The following MYO1E variants were observed in gnomAD, a reference collection of about 807,000 sequenced individuals.
MYO1E encodes myosin IE.
MYO1E carries 68 observed loss-of-function variants against 151.1 expected under a neutral mutation model. The ratio of observed to expected loss-of-function variants is 0.45; its 90% CI spans 0.37 to 0.55. The LOEUF is 0.55. Among genes scored for constraint, MYO1E ranks in the 20% least tolerant of loss-of-function variants. The probability of loss-of-function intolerance (pLI) is 0.00; values close to 1 mark genes in which losing one functional copy is unlikely to be tolerated. For missense variants in MYO1E, 1,363 were observed against 1,389.3 expected, an observed-to-expected ratio of 0.98 and a Z score of 0.30; for synonymous variants, 601 against 501.7, an observed-to-expected ratio of 1.20 and a Z score of -2.64.
intron 26 of MYO1E, among the ~76,000 whole-genome samples, chr15:59,148,649 G>A (rs1169007157): frequency 6.6e-6 from 1 of 152,148 alleles, no homozygotes; most frequent in African/African-American, 2.4e-5. Context: ...GAGAAATATT[G>A]CTATTGGACA....
chr15:59,215,025 T>C (rs1404172614), intron 10 of MYO1E, among the ~76,000 whole-genome samples: 2 of 152,166 alleles, frequency 1.3e-5, no homozygotes, highest in African/African-American at 4.8e-5. Context: ...TAGAAAAAAA[T>C]GTCATCTTGG....
chr15:59,244,432 C>T (rs2080117484), intron 4 of MYO1E, among the ~76,000 whole-genome samples: 1 of 152,220 alleles, frequency 6.6e-6, no homozygotes, highest in South Asian at 2.1e-4. Context: ...ATTACACTTT[C>T]TTTATATTCC....
At chr15:59,163,855 G>A (rs2079550713) in intron 22 of MYO1E, among the ~76,000 whole-genome samples, 1 of 152,208 alleles carries the variant, frequency 6.6e-6, no homozygotes, top group Admixed American at 6.5e-5. Flanking sequence ...TGTAGGCCAG[G>A]AGCTACTAGA....
intron 25 of MYO1E, among the ~76,000 whole-genome samples, chr15:59,156,726 A>T (rs1050551843): frequency 1.3e-5 from 2 of 152,374 alleles, no homozygotes. Context: ...AAATGACCCT[A>T]TCAGACTTAG....
chr15:59,143,371 G>A (rs1199814898), intron 26 of MYO1E, among the ~76,000 whole-genome samples: 1 of 152,138 alleles, frequency 6.6e-6, no homozygotes, highest in Non-Finnish European at 1.5e-5. Flanking sequence ...GGAGGAGGGA[G>A]GACCTCTGCA....
intron 4 of MYO1E, among the ~76,000 whole-genome samples, chr15:59,254,449 C>T (rs1370814434): frequency 6.6e-6 from 1 of 152,270 alleles, no homozygotes; most frequent in East Asian, 1.9e-4. Flanking sequence ...CCCTGGCTTC[C>T]CAAAGTGCTA....
chr15:59,201,867 C>G (rs1300035600), intron 16 of MYO1E, among the ~76,000 whole-genome samples: 1 of 152,228 alleles, frequency 6.6e-6, no homozygotes, highest in African/African-American at 2.4e-5. Flanking sequence ...CAAGGAGAGG[C>G]CTGTAGGACC....
intron 6 of MYO1E, among the ~76,000 whole-genome samples, chr15:59,228,180 G>A (rs1311269803): frequency 1.3e-5 from 2 of 152,108 alleles, no homozygotes; most frequent in Non-Finnish European, 2.9e-5. Flanking sequence ...AGGTATCTAG[G>A]TTGTTATATT....
chr15:59,209,136 T>C (rs1436512359), intron 13 of MYO1E: 1 of 466,326 alleles, frequency 2.1e-6, no homozygotes, highest in Non-Finnish European at 3.9e-6. Context: ...TCATGCCAAA[T>C]TGACTTGCTT....
chr15:59,149,038 GTTTTTTTTTTTTTGTTTTTTTT>G (rs2079458788), intron 26 of MYO1E, among the ~76,000 whole-genome samples: 2 of 89,558 alleles, frequency 2.2e-5, no homozygotes, highest in African/African-American at 9.1e-5. Context: ...TGGATGAACT[GTTTTTTTTTTTTTGTTTTTTTT>G]TTTTTTTTTT....
In MYO1E at chr15:59,138,384, G is replaced by A. The variant is rs1211656671; in HGVS notation, c.3081-17C>T. On this transcript the variant is annotated splice_polypyrimidine_tract_variant and intron_variant, in intron 26 of 27. Transcript: ENST00000288235. ...CTCCTGACCCTGTGGAGAGAGTGGA[G>A]CAGATGAGACTGGGCCCCAACAGGG... is the stretch of plus-strand genomic sequence containing the variant. The A allele has an allele frequency of 6.2e-7, 1 of 1,613,572 alleles. No homozygotes were observed. The highest frequency in any genetic ancestry group is 1.1e-5 in the South Asian group (1 of 91,060).
chr15:59,173,663 G>C, intron 21 of MYO1E, 83 bp downstream of exon 21: 2 of 1,546,144 alleles, frequency 1.3e-6, no homozygotes, highest in East Asian at 4.5e-5. Flanking sequence ...TTCTGATTTG[G>C]TAACAACAAA....
chr15:59,180,544 C>CA (rs1555409190), intron 18 of MYO1E, among the ~76,000 whole-genome samples: 2 of 144,404 alleles, frequency 1.4e-5, no homozygotes, highest in East Asian at 4.0e-4. Flanking sequence ...CTGCGTTTCT[C>CA]TTTTTTTTTT....
chr15:59,213,859 T>C (rs2079896804), intron 12 of MYO1E, among the ~76,000 whole-genome samples: 1 of 152,190 alleles, frequency 6.6e-6, no homozygotes, highest in African/African-American at 2.4e-5. Flanking sequence ...TAGGGAAGAT[T>C]GAAAATGGCG....
At chr15:59,149,888 T>G (rs2079466154) in intron 26 of MYO1E, among the ~76,000 whole-genome samples, 1 of 152,216 alleles carries the variant, frequency 6.6e-6, no homozygotes, top group South Asian at 2.1e-4. Context: ...AGTACAAACT[T>G]GGGATCCTAA....
chr15:59,215,285 C>CTATTAAACATTAG (rs2079906355), intron 10 of MYO1E, among the ~76,000 whole-genome samples: 1 of 152,138 alleles, frequency 6.6e-6, no homozygotes, highest in African/African-American at 2.4e-5. Flanking sequence ...TTCACCTTTG[C>CTATTAAACATTAG]CAGGGTTTGC....
chr15:59,263,496 C>T (rs566481434), intron 2 of MYO1E, among the ~76,000 whole-genome samples: 24 of 152,256 alleles, frequency 1.6e-4, no homozygotes, highest in African/African-American at 4.3e-4. Context: ...CTATTAGACA[C>T]AGTGTTATTA....
At chr15:59,172,148 G>A (rs1181988824) in intron 21 of MYO1E, 106 bp from the exon 22 acceptor site, 7 of 1,289,698 alleles carry the variant, frequency 5.4e-6, no homozygotes, top group Non-Finnish European at 7.6e-6. Flanking sequence ...CCTGAGGTCA[G>A]GAGTTCGAGA....
chr15:59,192,120 G>A (rs2079737918), intron 17 of MYO1E, among the ~76,000 whole-genome samples: 1 of 152,110 alleles, frequency 6.6e-6, no homozygotes, highest in African/African-American at 2.4e-5. Context: ...ACTCATGGAT[G>A]GAGTGAAACC....
Sources: gnomAD v4.1 joint callset for allele counts (sites outside exome capture counted in the v4.1 genomes callset) on GRCh38, gnomAD v4.1.1 for gene constraint, MANE v1.5 for transcripts, NCBI Gene and HGNC (gene_info 2026-07-23, HGNC 2026-07-21) for gene names.